Variants in TMC2 observed in about 807,000 individuals in gnomAD.
TMC2 encodes the protein transmembrane channel-like protein 2.
Under a neutral mutation model 105.9 loss-of-function variants are expected in TMC2, and 102 were observed. The ratio of observed to expected loss-of-function variants is 0.96; its 90% CI spans 0.82 to 1.14. TMC2 has a LOEUF of 1.14. Ranked by LOEUF, TMC2 falls within the 50% of genes most tolerant of loss-of-function variation. The pLI, the probability that TMC2 is intolerant of heterozygous loss-of-function variation, is 0.00. For missense variants in TMC2, 1,093 were observed against 1,134.3 expected, an observed-to-expected ratio of 0.96 and a Z score of 0.52; for synonymous variants, 402 against 422.8, an observed-to-expected ratio of 0.95 and a Z score of 0.60.
intron 11 of TMC2, among the ~76,000 whole-genome samples, chr20:2,606,961 G>A (rs930856238): frequency 9.5e-4 from 43 of 45,144 alleles, no homozygotes; most frequent in African/African-American, 4.1e-3. Flanking sequence ...TATTTATATT[G>A]TTTTGTGACC....
At chr20:2,637,129 C>T (rs979555628) in intron 18 of TMC2, among the ~76,000 whole-genome samples, 4 of 151,986 alleles carry the variant, frequency 2.6e-5, no homozygotes, top group Admixed American at 2.0e-4. Flanking sequence ...TGGCTCACGC[C>T]TGTAATCCCA....
chr20:2,642,527 A>G lies in TMC2; in HGVS notation c.*1176A>G, dbSNP rs139426114. On this transcript the variant is annotated 3_prime_UTR_variant, in exon 20 of 20. Coordinates refer to ENST00000358864, the MANE Select transcript of TMC2 (RefSeq NM_080751.3). ...AAGACCTTGAAGATGGTTTCTCTGA[A>G]GAGTTTTGCAAAAGGTACAATGCAG... Among the ~76,000 whole-genome samples the G allele has an allele frequency of 6.6e-6, 1 of 152,346 alleles. No individual in the cohort carries two copies. Among genetic ancestry groups the G allele is most frequent in the African/African-American group, 2.4e-5 (1 of 41,580 alleles).
intron 2 of TMC2, among the ~76,000 whole-genome samples, chr20:2,546,384 T>C (rs79187706): frequency 0.014 from 2,067 of 152,246 alleles, 32 homozygotes; most frequent in East Asian, 0.055. Flanking sequence ...AGTCTTATAA[T>C]TTACATAACT....
rs376145972 is a variant in TMC2, at chr20:2,617,226, C to A, written c.2095C>A (p.Leu699Met). ...ATCCAACAACTTCTACATGGGCCTCCTGCTGCTGGTGCTCTTCCTCAGCCT... is the reference window on the plus strand; with the variant it reads ...ATCCAACAACTTCTACATGGGCCTCATGCTGCTGGTGCTCTTCCTCAGCCT... ...SRSNNFYMGL[L>M]LLVLFLSLLP... Residue 699 changes from leucine to methionine, a missense_variant, in exon 16 of 20, where the codon CTG becomes ATG. Coordinates refer to ENST00000358864, the MANE Select transcript of TMC2 (RefSeq NM_080751.3). 4.3e-6 allele frequency: 7 copies of A among 1,614,104 alleles called. No individual in the cohort carries two copies. In the African/African-American group the frequency reaches 6.7e-5, roughly 15 times the overall value.
chr20:2,623,346 T>C (rs2086539302), intron 16 of TMC2, among the ~76,000 whole-genome samples: 1 of 152,044 alleles, frequency 6.6e-6, no homozygotes, highest in Non-Finnish European at 1.5e-5. Context: ...GAGAGCAGCC[T>C]GGCCAACATG....
At chr20:2,560,379 T>G (rs1318541738) in intron 3 of TMC2, among the ~76,000 whole-genome samples, 1 of 152,154 alleles carries the variant, frequency 6.6e-6, no homozygotes, top group Non-Finnish European at 1.5e-5. Context: ...CAGAGGCTGC[T>G]GCAAACCTGT....
intron 7 of TMC2, among the ~76,000 whole-genome samples, chr20:2,588,621 T>A (rs2086246660): frequency 6.6e-6 from 1 of 152,044 alleles, no homozygotes; most frequent in South Asian, 2.1e-4. Flanking sequence ...CTTTAAATAC[T>A]GTTTCTATGC....
chr20:2,599,064 A>C (rs2086330362), intron 10 of TMC2, among the ~76,000 whole-genome samples: 1 of 152,062 alleles, frequency 6.6e-6, no homozygotes, highest in Admixed American at 6.6e-5. Context: ...TTTAAAAAAT[A>C]AAAAGTATTT....
At chr20:2,631,194 T>C (rs559037328) in intron 17 of TMC2, among the ~76,000 whole-genome samples, 2 of 152,182 alleles carry the variant, frequency 1.3e-5, no homozygotes, top group Non-Finnish European at 2.9e-5. Context: ...AAAAACCTTG[T>C]CCCTGTACAA....
At chr20:2,550,415 C>T (rs1410811243) in intron 2 of TMC2, among the ~76,000 whole-genome samples, 2 of 152,154 alleles carry the variant, frequency 1.3e-5, no homozygotes, top group African/African-American at 2.4e-5. Context: ...TTCCTCCCCT[C>T]ACCGAATGTT....
chr20:2,641,437 T>G lies in TMC2; in HGVS notation c.*86T>G. The stretch of plus-strand genomic sequence containing the variant: ...CATACCAAACCAAGGTTCTCTCCCC[T>G]CTTTCCTCTCACATACATGCTCTGT... On this transcript the variant is annotated 3_prime_UTR_variant, in exon 20 of 20. Transcript: ENST00000358864. 1.3e-6 allele frequency: 1 copy of G among 778,960 alleles called. No individual in the cohort carries two copies. Among genetic ancestry groups the G allele is most frequent in the East Asian group, 2.7e-5 (1 of 37,182 alleles). 48.3% of individuals were successfully genotyped at this position (778,960 alleles called of 1,614,324 possible).
At chr20:2,565,544 C>A (rs1164018483) in intron 4 of TMC2, among the ~76,000 whole-genome samples, 5 of 152,062 alleles carry the variant, frequency 3.3e-5, no homozygotes, top group Non-Finnish European at 7.4e-5. Context: ...AATTTGTAAT[C>A]GTCTCTCCAG....
chr20:2,641,179 A>C lies in TMC2; in HGVS notation c.2549A>C (p.Lys850Thr), dbSNP rs2086686106. ...SASQSQAMDK[K>T]AQGPGTSNSA... is the part of the protein sequence containing the mutation. ...AGCCAAAGCCAGGCCATGGACAAGAAGGCGCAGGGCCCTGGGACCTCCAAT... is the reference window on the plus strand; with the variant it reads ...AGCCAAAGCCAGGCCATGGACAAGACGGCGCAGGGCCCTGGGACCTCCAAT... The change falls in exon 20 of 20, where the codon AAG (lysine) becomes ACG (threonine). Residue 850 changes from lysine (K) to threonine (T), a missense_variant. Coordinates refer to ENST00000358864, the MANE Select transcript of TMC2 (RefSeq NM_080751.3). 6.2e-7 allele frequency: 1 copy of C among 1,613,948 alleles called. No individual in the cohort carries two copies. Among genetic ancestry groups the C allele is most frequent in the Non-Finnish European group, 8.5e-7 (1 of 1,179,834 alleles).
At chr20:2,545,775 TGAA>T (rs879377068) in intron 2 of TMC2, among the ~76,000 whole-genome samples, 39 of 109,302 alleles carry the variant, frequency 3.6e-4, no homozygotes, top group African/African-American at 9.0e-4. Context: ...AAGAAGAAGA[TGAA>T]GAAGAAGACG....
At position 2,536,602 on chromosome 20, in the gene TMC2, C is replaced by A. The variant is rs2085850299; in HGVS notation, c.-20C>A. 2 of 1,565,862 alleles carry A rather than the reference C, an allele frequency of 1.3e-6. No individual in the cohort carries two copies. Among genetic ancestry groups the A allele is most frequent in the Non-Finnish European group, 1.7e-6 (2 of 1,155,050 alleles). ...GCACGCTGCGTGAGCCTGTGCAGGA[C>A]CCCAGCAGTGCTGCTGACCATGAGC... On this transcript the variant is annotated 5_prime_UTR_variant, in exon 1 of 20. Transcript: ENST00000358864.
chr20:2,584,050 A>G (rs2086213902), intron 7 of TMC2, among the ~76,000 whole-genome samples: 1 of 152,040 alleles, frequency 6.6e-6, no homozygotes, highest in African/African-American at 2.4e-5. Context: ...AAGGTCTTTA[A>G]GGAAGCTGTG....
chr20:2,633,325 TA>T (rs35503080), intron 17 of TMC2, among the ~76,000 whole-genome samples: 113,815 of 152,068 alleles, frequency 0.75, 42,754 homozygotes, highest in East Asian at 0.87. Context: ...CTTGGACACA[TA>T]AACAGCCCTG....
intron 2 of TMC2, among the ~76,000 whole-genome samples, chr20:2,538,086 G>A (rs2085863338): frequency 6.6e-6 from 1 of 152,000 alleles, no homozygotes; most frequent in African/African-American, 2.4e-5. Flanking sequence ...CCTGTGGGAG[G>A]GCCCTGTCCT....
At chr20:2,624,513 C>T in intron 17 of TMC2, 117 bp downstream of exon 17, 7 of 1,224,050 alleles carry the variant, frequency 5.7e-6, no homozygotes, top group Non-Finnish European at 7.9e-6. Context: ...GAAGCAGAAT[C>T]CATGACAAGG....
Sources: gnomAD v4.1 joint callset for allele counts (sites outside exome capture counted in the v4.1 genomes callset) on GRCh38, gnomAD v4.1.1 for gene constraint, MANE v1.5 for transcripts, NCBI Gene and HGNC (gene_info 2026-07-23, HGNC 2026-07-21) for gene names.